Variants in GMDS observed in about 807,000 individuals in gnomAD.
GMDS encodes the protein GDP-mannose 4,6 dehydratase.
In GMDS, 20 loss-of-function variants were observed where a neutral mutation model predicts 49.9. That is an observed-to-expected ratio of 0.40 (90% CI 0.28 to 0.58). The LOEUF is 0.58. Ranked by LOEUF, GMDS falls within the 20% of genes least tolerant of loss-of-function variation. GMDS has a pLI of 0.42. For missense variants in GMDS, 362 were observed against 481.4 expected (o/e 0.75, Z 2.32); for synonymous variants, 177 against 178.6 (o/e 0.99, Z 0.07).
intron 8 of GMDS, among the ~76,000 whole-genome samples, chr6:1,735,434 G>T (rs928835467): frequency 6.6e-6 from 1 of 152,236 alleles, no homozygotes. Flanking sequence ...GAGCCAGGAG[G>T]TAGGCACCTA....
chr6:2,060,482 G>A (rs768383049), intron 4 of GMDS, among the ~76,000 whole-genome samples: 2 of 152,072 alleles, frequency 1.3e-5, no homozygotes, highest in Non-Finnish European at 2.9e-5. Flanking sequence ...GGGCACCTAC[G>A]ATGGGCCACC....
intron 9 of GMDS, among the ~76,000 whole-genome samples, chr6:1,642,826 C>G (rs1298597134): frequency 6.6e-6 from 1 of 152,206 alleles, no homozygotes; most frequent in Admixed American, 6.5e-5. Context: ...ACAGGAAGAT[C>G]AGGATGGGCC....
At chr6:1,999,419 A>G (rs549777594) in intron 4 of GMDS, among the ~76,000 whole-genome samples, 45 of 152,192 alleles carry the variant, frequency 3.0e-4, no homozygotes, top group African/African-American at 8.9e-4. Context: ...TATTTAAAAT[A>G]TAAGTTATTT....
At chr6:2,205,585 A>G (rs2127579385) in intron 1 of GMDS, among the ~76,000 whole-genome samples, 1 of 152,346 alleles carries the variant, frequency 6.6e-6, no homozygotes, top group East Asian at 1.9e-4. Context: ...TCCAATTAGA[A>G]TGACATCCAA....
At chr6:1,865,912 T>C (rs918456147) in intron 7 of GMDS, among the ~76,000 whole-genome samples, 2 of 152,150 alleles carry the variant, frequency 1.3e-5, no homozygotes, top group African/African-American at 4.8e-5. Context: ...CATGGCTATA[T>C]ATACAGCCCC....
At chr6:1,788,551 A>T (rs948205924) in intron 7 of GMDS, among the ~76,000 whole-genome samples, 1 of 152,180 alleles carries the variant, frequency 6.6e-6, no homozygotes, top group Non-Finnish European at 1.5e-5. Context: ...TGGAAGGGGA[A>T]CAATAAGACC....
chr6:1,680,006 T>C (rs1261331034), intron 9 of GMDS: 1 of 152,238 alleles, frequency 6.6e-6, no homozygotes, highest in Non-Finnish European at 1.5e-5. Flanking sequence ...TGTCACAGCC[T>C]GGATAAGCCA....
At chr6:1,828,866 C>G (rs1240992632) in intron 7 of GMDS, among the ~76,000 whole-genome samples, 8 of 152,158 alleles carry the variant, frequency 5.3e-5, no homozygotes, top group Non-Finnish European at 1.0e-4. Context: ...AACCCCTGCA[C>G]TGTAAAAAAA....
At chr6:1,837,476 G>A (rs989615117) in intron 7 of GMDS, among the ~76,000 whole-genome samples, 3 of 152,074 alleles carry the variant, frequency 2.0e-5, no homozygotes, top group Non-Finnish European at 4.4e-5. Context: ...TTGCATACAC[G>A]ATGCTTAATG....
rs978617457 is a variant in GMDS at position 1,719,025 on chromosome 6, G to A, written c.987+7391C>T. Among the ~76,000 whole-genome samples, 4 of 152,148 alleles carry A rather than the reference G, an allele frequency of 2.6e-5. 1 individual carries two copies. The highest frequency in any genetic ancestry group is 2.6e-4 in the Admixed American group (4 of 15,274). On this transcript the variant is annotated intron_variant, in intron 9 of 10. Coordinates refer to ENST00000380815, the MANE Select transcript of GMDS (RefSeq NM_001500.4). The stretch of plus-strand genomic sequence containing the variant: ...GATTTACTCAGGAAACTAGCAAATT[G>A]ATGACAGCATTACAAAATGTACAAG...
At chr6:1,843,855 TGCTCCATCCCACCAG>T (rs1200272452) in intron 7 of GMDS, among the ~76,000 whole-genome samples, 2 of 152,154 alleles carry the variant, frequency 1.3e-5, no homozygotes, top group African/African-American at 4.8e-5. Flanking sequence ...GATGCTGCCA[TGCTCCATCCCACCAG>T]GCCCCTCCAA....
intron 9 of GMDS, among the ~76,000 whole-genome samples, chr6:1,708,229 G>T: frequency 6.6e-6 from 1 of 152,168 alleles, no homozygotes; most frequent in East Asian, 1.9e-4. Context: ...CGGCATCTGG[G>T]TATATCTCAA....
At chr6:1,800,988 G>C (rs965699489) in intron 7 of GMDS, among the ~76,000 whole-genome samples, 3 of 152,104 alleles carry the variant, frequency 2.0e-5, no homozygotes, top group African/African-American at 7.2e-5. Context: ...CCTGTTTCAG[G>C]GTAGTGAATG....
intron 7 of GMDS, among the ~76,000 whole-genome samples, chr6:1,746,624 G>GT (rs1319570514): frequency 6.6e-6 from 1 of 152,174 alleles, no homozygotes; most frequent in African/African-American, 2.4e-5. Flanking sequence ...GTACTCTTCT[G>GT]TAAGTATATA....
chr6:2,059,525 G>A (rs1228425626), intron 4 of GMDS, among the ~76,000 whole-genome samples: 2 of 148,678 alleles, frequency 1.3e-5, no homozygotes, highest in Admixed American at 6.7e-5. Context: ...TGGCTAACAC[G>A]GTGAAACCCC....
At chr6:1,945,486 G>T (rs1012025731) in intron 6 of GMDS, among the ~76,000 whole-genome samples, 1 of 152,142 alleles carries the variant, frequency 6.6e-6, no homozygotes, top group East Asian at 1.9e-4. Context: ...ACCATAATAC[G>T]CAAGGAGATA....
chr6:1,694,730 T>C (rs1456373486), intron 9 of GMDS, among the ~76,000 whole-genome samples: 1 of 152,214 alleles, frequency 6.6e-6, no homozygotes, highest in Non-Finnish European at 1.5e-5. Context: ...CTGCCCACAA[T>C]CTAGTGAATA....
At position 2,245,396 on chromosome 6, in the gene GMDS, G is replaced by A. The variant is rs775871486; in HGVS notation, c.27C>T (p.Pro9=). Residue 9 remains proline, a synonymous_variant, in exon 1 of 11, where the codon CCC becomes CCT. Transcript: ENST00000380815. ...CGCCGTCCCCGGAGCCCCGGGCGCT[G>A]GGGCAGCGTGCCGGTGCGTGTGCCA... MAHAPARC[P]SARGSGDGEM... 1 of 1,537,004 alleles carries A rather than the reference G, an allele frequency of 6.5e-7. No homozygotes were observed. Among genetic ancestry groups the A allele is most frequent in the Non-Finnish European group, 8.7e-7 (1 of 1,146,910 alleles).
chr6:1,848,010 C>T (rs777334286), intron 7 of GMDS, among the ~76,000 whole-genome samples: 46 of 152,230 alleles, frequency 3.0e-4, no homozygotes, highest in Admixed American at 1.6e-3. Context: ...GCTGGAGAAG[C>T]CTCTCCAAGG....
Sources: gnomAD v4.1 joint callset for allele counts (sites outside exome capture counted in the v4.1 genomes callset) on GRCh38, gnomAD v4.1.1 for gene constraint, MANE v1.5 for transcripts, NCBI Gene and HGNC (gene_info 2026-07-23, HGNC 2026-07-21) for gene names.